Variants in TANC2 observed in about 807,000 individuals in gnomAD.
The protein encoded by TANC2 is tetratricopeptide repeat, ankyrin repeat and coiled-coil containing 2, also known as protein TANC2.
In TANC2, 26 loss-of-function variants were observed where a neutral mutation model predicts 210.5. The ratio of observed to expected loss-of-function variants is 0.12; its 90% CI spans 0.09 to 0.17. The LOEUF is 0.17. Among genes scored for constraint, TANC2 ranks in the 10% least tolerant of loss-of-function variants. The pLI is 1.00. For missense variants in TANC2, 2,129 were observed against 2,608.9 expected, an observed-to-expected ratio of 0.82 and a Z score of 4.01; for synonymous variants, 931 against 967.1, an observed-to-expected ratio of 0.96 and a Z score of 0.69.
chr17:62,982,819 A>G (rs187394087), intron 1 of TANC2, among the ~76,000 whole-genome samples: 16 of 152,260 alleles, frequency 1.1e-4, no homozygotes, highest in African/African-American at 3.9e-4. Flanking sequence ...CCACTGGTCT[A>G]TGTGTCTGTT....
chr17:62,967,256 A>G (rs2031400860), intron 1 of TANC2: 1 of 152,186 alleles, frequency 6.6e-6, no homozygotes, highest in African/African-American at 2.4e-5. Context: ...ATTGCTAGAT[A>G]TTTTGCCATA....
chr17:63,408,283 A>G (rs535184651), intron 21 of TANC2, among the ~76,000 whole-genome samples: 183 of 152,360 alleles, frequency 1.2e-3, no homozygotes, highest in Non-Finnish European at 6.6e-4. Context: ...AGATAACTCC[A>G]GAGTTGTAAG....
chr17:63,389,391 G>T, exon 17 of TANC2: 1 of 1,613,984 alleles, frequency 6.2e-7, no homozygotes, highest in African/African-American at 1.3e-5. Flanking sequence ...TATGTGTTCA[G>T]TCCCATCTTG....
intron 4 of TANC2, among the ~76,000 whole-genome samples, chr17:63,140,244 C>G (rs2039240243): frequency 6.6e-6 from 1 of 152,166 alleles, no homozygotes; most frequent in Admixed American, 6.5e-5. Flanking sequence ...TTGACAGATT[C>G]AGAAGGATTG....
At position 63,349,805 on chromosome 17, in the gene TANC2, C is replaced by A. The variant is rs189655986; in HGVS notation, c.1808-1445C>A. ...AAAATCAAGAACATAACACCCACCC[C>A]CCTCGTTGTTTGGGTAAATCCCAGT... On this transcript the variant is annotated intron_variant, in intron 12 of 27. Transcript: ENST00000689528. Among the ~76,000 whole-genome samples, 17 of 152,272 alleles carry A rather than the reference C, an allele frequency of 1.1e-4. No homozygotes were observed. The East Asian group carries it at 3.1e-3, about 28-fold the overall frequency.
intron 9 of TANC2, among the ~76,000 whole-genome samples, chr17:63,311,695 A>G (rs944309159): frequency 1.2e-4 from 19 of 152,368 alleles, no homozygotes; most frequent in African/African-American, 4.6e-4. Context: ...ATGAATGTTC[A>G]TAGCAGCATT....
At chr17:63,323,085 G>A (rs1197857927) in intron 11 of TANC2, among the ~76,000 whole-genome samples, 2 of 152,216 alleles carry the variant, frequency 1.3e-5, no homozygotes, top group Non-Finnish European at 2.9e-5. Context: ...TTCTGTAGAC[G>A]CATAGAGCAG....
At chr17:63,131,008 G>T (rs1366228501) in intron 4 of TANC2, 2 of 152,204 alleles carry the variant, frequency 1.3e-5, no homozygotes, top group Non-Finnish European at 2.9e-5. Flanking sequence ...ACCAGCATCA[G>T]TGAAGATTCA....
intron 3 of TANC2, among the ~76,000 whole-genome samples, chr17:63,082,662 C>T (rs1029348002): frequency 5.3e-5 from 8 of 152,138 alleles, no homozygotes; most frequent in South Asian, 4.1e-4. Context: ...TCCCCCGGCA[C>T]ATGTATGGAC....
intron 5 of TANC2, among the ~76,000 whole-genome samples, chr17:63,164,796 T>A (rs1216736039): frequency 1.3e-5 from 2 of 152,298 alleles, no homozygotes; most frequent in African/African-American, 4.8e-5. Flanking sequence ...TCACCCTTCC[T>A]CTACTTTTTT....
chr17:63,334,280 T>G (rs1361558069), intron 11 of TANC2, among the ~76,000 whole-genome samples: 1 of 152,180 alleles, frequency 6.6e-6, no homozygotes, highest in Non-Finnish European at 1.5e-5. Context: ...CTAGAACATC[T>G]TTTGGTGCCA....
chr17:63,214,223 G>T (rs1422539822), intron 7 of TANC2, among the ~76,000 whole-genome samples: 1 of 152,194 alleles, frequency 6.6e-6, no homozygotes, highest in Non-Finnish European at 1.5e-5. Context: ...GAAGTCCAGG[G>T]ACAGAGGAGA....
chr17:62,988,286 C>A (rs2032676182), intron 1 of TANC2, among the ~76,000 whole-genome samples: 1 of 146,598 alleles, frequency 6.8e-6, no homozygotes, highest in Non-Finnish European at 1.5e-5. Context: ...CACCACCACA[C>A]CTGGCTAACT....
exon 28 of TANC2, chr17:63,422,022 C>A: frequency 6.6e-7 from 1 of 1,513,350 alleles, no homozygotes; most frequent in Non-Finnish European, 8.9e-7. Flanking sequence ...TTTCCACATT[C>A]GAGGTAGTTC....
chr17:62,987,790 G>A (rs928451430), intron 1 of TANC2, among the ~76,000 whole-genome samples: 14 of 152,218 alleles, frequency 9.2e-5, no homozygotes, highest in African/African-American at 3.4e-4. Context: ...CCTTTCTTGT[G>A]GTGGGTGGGA....
At chr17:62,972,274 G>A (rs1041182669) in intron 1 of TANC2, among the ~76,000 whole-genome samples, 1 of 152,110 alleles carries the variant, frequency 6.6e-6, no homozygotes, top group African/African-American at 2.4e-5. Flanking sequence ...GTTATGTTCG[G>A]TCTCTTGTTT....
chr17:63,420,033 G>A lies in TANC2; in HGVS notation c.4303G>A (p.Ala1435Thr), dbSNP rs559873644. 1 of 1,550,880 alleles carries A rather than the reference G, an allele frequency of 6.4e-7. No homozygotes were observed. Among genetic ancestry groups the A allele is most frequent in the East Asian group, 2.4e-5 (1 of 40,870 alleles). ...AGCAGCCTTAGAGGACCTGAACGAGGCCATCAAGCTGTGTCCCAACAACCG... is the reference window on the plus strand; with the variant it reads ...AGCAGCCTTAGAGGACCTGAACGAGACCATCAAGCTGTGTCCCAACAACCG... The change falls in exon 28 of 28, where the codon GCC (alanine) becomes ACC (threonine). Residue 1435 changes from alanine to threonine, a missense_variant. Coordinates refer to ENST00000689528, the Ensembl canonical transcript of TANC2. This position sits in a 1 kb window ranked among gnomAD's most constrained non-coding sequence, Gnocchi z 4.2.
At position 63,412,798 on chromosome 17, in the gene TANC2, C is replaced by T; in HGVS notation, c.3928+89C>T. 1 of 1,424,740 alleles carries T rather than the reference C, an allele frequency of 7.0e-7. No individual in the cohort carries two copies. Among genetic ancestry groups the T allele is most frequent in the Non-Finnish European group, 9.4e-7 (1 of 1,064,954 alleles). The allele number at this position is 1,424,740 out of a possible 1,614,324, so 88.3% of individuals were successfully genotyped here. ...CTTTGGTTTAGCCTGCATGAGTTCC[C>T]TACACCTCTAATCTTTTAATTTACT... On this transcript the variant is annotated intron_variant, in intron 24 of 27. Transcript: ENST00000689528. The surrounding 1 kb of genome is among the most constrained non-coding windows in gnomAD (Gnocchi z 4.2).
At chr17:63,251,688 C>A (rs2043057635) in intron 8 of TANC2, among the ~76,000 whole-genome samples, 1 of 152,068 alleles carries the variant, frequency 6.6e-6, no homozygotes, top group Non-Finnish European at 1.5e-5. Flanking sequence ...GCTGTCTAAG[C>A]CCAACATCAG....
Sources: gnomAD v4.1 joint callset for allele counts (sites outside exome capture counted in the v4.1 genomes callset) on GRCh38, gnomAD v4.1.1 for gene constraint, Gnocchi (gnomAD v3.1) non-coding constraint, MANE v1.5 for transcripts, NCBI Gene and HGNC (gene_info 2026-07-23, HGNC 2026-07-21) for gene names.